The following SPOCK3 variants were observed in gnomAD, a reference collection of about 807,000 sequenced individuals.
SPOCK3 encodes the protein testican-3.
SPOCK3 carries 30 observed loss-of-function variants against 56.6 expected under a neutral mutation model. The observed-to-expected ratio is 0.53, with a 90% confidence interval of 0.40 to 0.72. The LOEUF is 0.72. SPOCK3 is among the 30% of genes least tolerant of loss of function. The pLI, the probability that SPOCK3 is intolerant of heterozygous loss-of-function variation, is 0.00. For missense variants in SPOCK3, 527 were observed against 530.0 expected, an observed-to-expected ratio of 0.99 and a Z score of 0.06; for synonymous variants, 196 against 183.3, an observed-to-expected ratio of 1.07 and a Z score of -0.56.
rs556406526 is a variant in SPOCK3 at position 167,094,291 on chromosome 4, C to G, written c.190-31754G>C. 5.9e-5 allele frequency among the ~76,000 whole-genome samples: 9 copies of G among 152,092 alleles called. No homozygotes were observed. The South Asian group carries it at 1.9e-3, about 32-fold the overall frequency. On this transcript the variant is annotated intron_variant, in intron 2 of 10. Coordinates refer to ENST00000357545, the MANE Select transcript of SPOCK3 (RefSeq NM_001040159.2). ...TATAATATACACACATTATTTTCTT[C>G]CTGCTCACTGTTGAGCTCTTTTCAT...
intron 6 of SPOCK3, among the ~76,000 whole-genome samples, chr4:166,834,197 C>T (rs6552659): frequency 0.74 from 112,013 of 152,022 alleles, 41,346 homozygotes; most frequent in East Asian, 0.81. Flanking sequence ...GGAAAATAAC[C>T]TAGAATTGAT....
chr4:167,078,487 T>C (rs969409249), intron 2 of SPOCK3, among the ~76,000 whole-genome samples: 3 of 151,630 alleles, frequency 2.0e-5, no homozygotes, highest in Non-Finnish European at 4.4e-5. Context: ...TTTTGCAAGA[T>C]ATATATTTCT....
chr4:166,899,532 A>G (rs1242005258), intron 5 of SPOCK3, among the ~76,000 whole-genome samples: 13 of 100,072 alleles, frequency 1.3e-4, no homozygotes, highest in Admixed American at 6.3e-4. Context: ...TTTGAGACAG[A>G]GTCTTGCTCT....
intron 2 of SPOCK3, among the ~76,000 whole-genome samples, chr4:167,151,520 C>A (rs545379065): frequency 1.3e-5 from 2 of 151,252 alleles, no homozygotes; most frequent in African/African-American, 4.9e-5. Context: ...CTGCAAGCTC[C>A]GCCTCCCAGG....
chr4:167,046,158 G>A (rs1156393541), intron 3 of SPOCK3, among the ~76,000 whole-genome samples: 1 of 151,994 alleles, frequency 6.6e-6, no homozygotes, highest in Non-Finnish European at 1.5e-5. Context: ...CATGGTTTCT[G>A]AGGCAAAGCT....
intron 2 of SPOCK3, among the ~76,000 whole-genome samples, chr4:167,233,290 T>G (rs779773010): frequency 6.6e-6 from 1 of 151,828 alleles, no homozygotes; most frequent in Non-Finnish European, 1.5e-5. Flanking sequence ...CCCAGGGGAG[T>G]CTATGGTTTA....
chr4:166,930,312 A>T (rs1310641403), intron 4 of SPOCK3, among the ~76,000 whole-genome samples: 1 of 152,186 alleles, frequency 6.6e-6, no homozygotes, highest in Non-Finnish European at 1.5e-5. Context: ...ACATGTTTAC[A>T]TATATAAAAG....
chr4:166,792,371 T>G, intron 6 of SPOCK3, 82 bp from the exon 7 acceptor site: 2 of 1,481,690 alleles, frequency 1.3e-6, no homozygotes, highest in Non-Finnish European at 1.9e-6. Context: ...TCCAATAAAC[T>G]GAAAGGTAAG....
intron 6 of SPOCK3, among the ~76,000 whole-genome samples, chr4:166,821,235 T>C (rs984369030): frequency 3.3e-5 from 5 of 152,012 alleles, no homozygotes; most frequent in Admixed American, 2.0e-4. Flanking sequence ...CATTAGTCAC[T>C]AGGAAAATGC....
intron 6 of SPOCK3, among the ~76,000 whole-genome samples, chr4:166,821,186 T>G (rs1434114930): frequency 6.6e-6 from 1 of 152,056 alleles, no homozygotes; most frequent in Non-Finnish European, 1.5e-5. Context: ...AAAGAAGATA[T>G]GCAAATTTCT....
intron 4 of SPOCK3, among the ~76,000 whole-genome samples, chr4:166,993,296 T>G (rs1417306796): frequency 6.6e-6 from 1 of 152,138 alleles, no homozygotes; most frequent in Non-Finnish European, 1.5e-5. Flanking sequence ...CAAAAAAAAT[T>G]GACATCCCTT....
At chr4:167,022,219 C>T (rs1184990109) in intron 3 of SPOCK3, among the ~76,000 whole-genome samples, 4 of 151,910 alleles carry the variant, frequency 2.6e-5, no homozygotes, top group African/African-American at 7.3e-5. Flanking sequence ...CCAGGCTATG[C>T]GAGCCTTATG....
At chr4:166,862,261 G>T (rs1204136391) in intron 6 of SPOCK3, among the ~76,000 whole-genome samples, 1 of 151,978 alleles carries the variant, frequency 6.6e-6, no homozygotes, top group Non-Finnish European at 1.5e-5. Context: ...AACTTGATAT[G>T]GCTTTTGTGC....
intron 2 of SPOCK3, among the ~76,000 whole-genome samples, chr4:167,108,673 G>C (rs899802005): frequency 6.6e-6 from 1 of 151,444 alleles, no homozygotes; most frequent in Admixed American, 6.6e-5. Flanking sequence ...ATAGTGGGGT[G>C]GGGGAAGCAG....
intron 2 of SPOCK3, among the ~76,000 whole-genome samples, chr4:167,173,476 C>A (rs1341851811): frequency 6.6e-6 from 1 of 152,084 alleles, no homozygotes; most frequent in East Asian, 1.9e-4. Flanking sequence ...ATCTATCTAA[C>A]CAGTGCTCTG....
intron 4 of SPOCK3, among the ~76,000 whole-genome samples, chr4:166,966,524 G>C (rs1164000475): frequency 6.6e-6 from 1 of 152,082 alleles, no homozygotes; most frequent in Non-Finnish European, 1.5e-5. Flanking sequence ...GCATACTCAT[G>C]AGTTGAGGCT....
intron 3 of SPOCK3, among the ~76,000 whole-genome samples, chr4:167,045,878 T>C (rs1484804322): frequency 1.3e-5 from 2 of 152,108 alleles, no homozygotes; most frequent in Non-Finnish European, 2.9e-5. Context: ...CATTTTACCC[T>C]CCCTTGTTCT....
intron 4 of SPOCK3, among the ~76,000 whole-genome samples, chr4:166,944,446 G>T (rs1251084676): frequency 6.6e-6 from 1 of 152,056 alleles, no homozygotes; most frequent in Non-Finnish European, 1.5e-5. Flanking sequence ...TTTAGTAAAT[G>T]AATGTAATTT....
chr4:166,988,762 A>G (rs1747444468), intron 4 of SPOCK3, among the ~76,000 whole-genome samples: 1 of 152,128 alleles, frequency 6.6e-6, no homozygotes, highest in South Asian at 2.1e-4. Flanking sequence ...ACTGAGTTGC[A>G]TTGTCTTAAT....
Sources: allele counts gnomAD v4.1 joint callset (sites outside exome capture counted in the v4.1 genomes callset), GRCh38; gene constraint gnomAD v4.1.1; transcripts MANE v1.5; gene names NCBI Gene and HGNC (gene_info 2026-07-23, HGNC 2026-07-21).